The following NTF3 variants were observed in gnomAD, a reference collection of about 807,000 sequenced individuals.
The protein encoded by NTF3 is neurotrophin 3, also known as neurotrophin-3.
A neutral mutation model predicts 26.3 loss-of-function variants in NTF3; 8 were observed. The ratio of observed to expected loss-of-function variants is 0.30; its 90% CI spans 0.18 to 0.55. The LOEUF is 0.55. Among genes scored for constraint, NTF3 ranks in the 20% least tolerant of loss-of-function variants. NTF3 has a pLI of 0.93. For synonymous variants in NTF3, 154 were observed against 145.5 expected, an observed-to-expected ratio of 1.06 and a Z score of -0.42; for missense variants, 276 against 352.9, an observed-to-expected ratio of 0.78 and a Z score of 1.75.
At chr12:5,487,765 T>C (rs531601536) in intron 1 of NTF3, among the ~76,000 whole-genome samples, 47 of 152,336 alleles carry the variant, frequency 3.1e-4, no homozygotes, top group African/African-American at 1.1e-3. Context: ...TCCCTGCCCC[T>C]TCTCTCACCT....
At chr12:5,471,132 C>A (rs147333714) in intron 1 of NTF3, among the ~76,000 whole-genome samples, 2 of 152,000 alleles carry the variant, frequency 1.3e-5, no homozygotes, top group African/African-American at 4.8e-5. Context: ...ATGGGCTCAC[C>A]GACTTTTGGG....
intron 1 of NTF3, among the ~76,000 whole-genome samples, chr12:5,460,929 G>T (rs1198774821): frequency 6.6e-6 from 1 of 152,154 alleles, no homozygotes; most frequent in African/African-American, 2.4e-5. Flanking sequence ...GGGTGTATGA[G>T]AATTTTAATG....
At chr12:5,485,653 G>C (rs1200413355) in intron 1 of NTF3, among the ~76,000 whole-genome samples, 4 of 152,362 alleles carry the variant, frequency 2.6e-5, no homozygotes, top group Admixed American at 2.6e-4. Context: ...CTGAGGTTCA[G>C]AGTGTTTGTG....
chr12:5,457,661 C>T (rs1000723167), intron 1 of NTF3, among the ~76,000 whole-genome samples: 1 of 152,172 alleles, frequency 6.6e-6, no homozygotes, highest in African/African-American at 2.4e-5. Context: ...ACCCATATAT[C>T]CAGCTTCCCT....
At chr12:5,449,033 A>G (rs892039938) in intron 1 of NTF3, among the ~76,000 whole-genome samples, 1 of 152,230 alleles carries the variant, frequency 6.6e-6, no homozygotes, top group African/African-American at 2.4e-5. Context: ...GGGAAATAAG[A>G]CAACCCCTAT....
intron 1 of NTF3, among the ~76,000 whole-genome samples, chr12:5,455,881 G>A (rs1940440004): frequency 6.6e-6 from 1 of 152,136 alleles, no homozygotes; most frequent in Non-Finnish European, 1.5e-5. Flanking sequence ...CAGGAGTGAG[G>A]GTCAGTGGTT....
intron 1 of NTF3, among the ~76,000 whole-genome samples, chr12:5,475,160 G>A (rs900212461): frequency 6.6e-5 from 10 of 152,154 alleles, no homozygotes; most frequent in African/African-American, 2.2e-4. Context: ...CAGATGAGAA[G>A]GGAAAGCAGA....
intron 1 of NTF3, among the ~76,000 whole-genome samples, chr12:5,480,360 C>T (rs1214973595): frequency 6.6e-6 from 1 of 151,998 alleles, no homozygotes; most frequent in Non-Finnish European, 1.5e-5. Flanking sequence ...GGAGGGGGAG[C>T]TGGGTGGGAA....
At chr12:5,482,415 C>G (rs977339322) in intron 1 of NTF3, among the ~76,000 whole-genome samples, 1 of 152,180 alleles carries the variant, frequency 6.6e-6, no homozygotes, top group Non-Finnish European at 1.5e-5. Context: ...GTCTTGGCCA[C>G]CTGCTGCATT....
intron 1 of NTF3, among the ~76,000 whole-genome samples, chr12:5,440,883 A>C (rs1242569891): frequency 6.6e-6 from 1 of 152,214 alleles, no homozygotes; most frequent in Non-Finnish European, 1.5e-5. Context: ...GAGGACTTAC[A>C]TAGAGTGATT....
At chr12:5,492,894 C>A (rs1237666279) in intron 1 of NTF3, among the ~76,000 whole-genome samples, 1 of 152,208 alleles carries the variant, frequency 6.6e-6, no homozygotes. Flanking sequence ...TTGTTTATTT[C>A]CTCTCTATTT....
chr12:5,442,999 G>A (rs1328581545), intron 1 of NTF3, among the ~76,000 whole-genome samples: 2 of 152,196 alleles, frequency 1.3e-5, no homozygotes, highest in Non-Finnish European at 2.9e-5. Context: ...GGACTACAGA[G>A]GTTTTGGGAG....
At chr12:5,440,603 G>C (rs1395111692) in intron 1 of NTF3, among the ~76,000 whole-genome samples, 1 of 152,180 alleles carries the variant, frequency 6.6e-6, no homozygotes, top group African/African-American at 2.4e-5. Flanking sequence ...TCCCATGGTG[G>C]GGAAGAAGCC....
chr12:5,466,630 T>C (rs1940593764), intron 1 of NTF3, among the ~76,000 whole-genome samples: 1 of 152,210 alleles, frequency 6.6e-6, no homozygotes, highest in Admixed American at 6.5e-5. Flanking sequence ...TCTGCTCAAA[T>C]GTGGTAAAGA....
At chr12:5,441,927 T>C (rs569684342) in intron 1 of NTF3, among the ~76,000 whole-genome samples, 1 of 152,310 alleles carries the variant, frequency 6.6e-6, no homozygotes, top group African/African-American at 2.4e-5. Context: ...CTCCTGCAAA[T>C]TGGGGCTCTT....
At chr12:5,459,555 A>G (rs568549418) in intron 1 of NTF3, among the ~76,000 whole-genome samples, 1 of 152,292 alleles carries the variant, frequency 6.6e-6, no homozygotes, top group South Asian at 2.1e-4. Flanking sequence ...AATTATCTTC[A>G]GGGAGGAACG....
chr12:5,467,283 C>T (rs1434419059), intron 1 of NTF3, among the ~76,000 whole-genome samples: 1 of 138,536 alleles, frequency 7.2e-6, no homozygotes, highest in African/African-American at 2.7e-5. Flanking sequence ...TTGCCAAGCT[C>T]GCTTTTTGGG....
intron 1 of NTF3, among the ~76,000 whole-genome samples, chr12:5,489,705 G>A (rs1327920179): frequency 6.6e-6 from 1 of 151,970 alleles, no homozygotes; most frequent in East Asian, 1.9e-4. Flanking sequence ...AGGGAAGCTG[G>A]TCCTGGAGAG....
chr12:5,471,760 A>T (rs1940669021), intron 1 of NTF3, among the ~76,000 whole-genome samples: 1 of 151,706 alleles, frequency 6.6e-6, no homozygotes, highest in South Asian at 2.1e-4. Context: ...TCAGGGACAG[A>T]TCTCCTCGTG....
Sources: gnomAD v4.1 joint callset for allele counts (sites outside exome capture counted in the v4.1 genomes callset) on GRCh38, gnomAD v4.1.1 for gene constraint, MANE v1.5 for transcripts, NCBI Gene and HGNC (gene_info 2026-07-23, HGNC 2026-07-21) for gene names.